Variants in VGLL4 observed in about 807,000 individuals in gnomAD.
The protein encoded by VGLL4 is transcription cofactor vestigial-like protein 4.
A neutral mutation model predicts 21.0 loss-of-function variants in VGLL4; 7 were observed. The observed-to-expected ratio is 0.33, with a 90% CI of 0.19 to 0.63. The LOEUF (loss-of-function observed/expected upper bound fraction) is 0.63. Among genes scored for constraint, VGLL4 ranks in the 20% least tolerant of loss-of-function variants. VGLL4 has a pLI of 0.78. For synonymous variants in VGLL4, 222 were observed against 173.2 expected, an observed-to-expected ratio of 1.28 and a Z score of -2.21; for missense variants, 394 against 425.7, an observed-to-expected ratio of 0.93 and a Z score of 0.66.
chr3:11,709,720 G>A (rs766711542), intron 1 of VGLL4, among the ~76,000 whole-genome samples: 4 of 152,134 alleles, frequency 2.6e-5, no homozygotes, highest in African/African-American at 4.8e-5. Flanking sequence ...AAGAGGTATC[G>A]ATTTTAAAGC....
chr3:11,602,023 CT>C lies in VGLL4; in HGVS notation c.83-2del, dbSNP rs1162072403. 1 of 1,553,538 alleles carries C rather than the reference CT, an allele frequency of 6.4e-7. No individual in the cohort carries two copies. The highest frequency in any genetic ancestry group is 2.4e-5 in the East Asian group (1 of 42,498). ...GGTTCTCCCCTGAGAGCAGCTTCGC[CT>C]ACGCAGAGAGAGATGATGTAGTCAC... On this transcript the variant is annotated splice_acceptor_variant, in intron 1 of 4. Coordinates refer to ENST00000430365, the MANE Select transcript of VGLL4 (RefSeq NM_001128219.3). LOFTEE classifies it high-confidence loss of function.
At chr3:11,569,745 G>A (rs2125158334) in intron 2 of VGLL4, among the ~76,000 whole-genome samples, 1 of 152,328 alleles carries the variant, frequency 6.6e-6, no homozygotes, top group Admixed American at 6.5e-5. Flanking sequence ...GGCTGGGCAT[G>A]GTGACGTGCA....
chr3:11,602,131 A>G (rs578122024), intron 1 of VGLL4, 109 bp from the exon 2 acceptor site: 6 of 1,154,106 alleles, frequency 5.2e-6, no homozygotes, highest in African/African-American at 3.2e-5. Flanking sequence ...CTCCCAGTGG[A>G]AAGTTTTTGG....
intron 2 of VGLL4, among the ~76,000 whole-genome samples, chr3:11,670,685 C>T (rs762068296): frequency 2.0e-5 from 3 of 152,072 alleles, no homozygotes; most frequent in Non-Finnish European, 4.4e-5. Flanking sequence ...GTCTTTGGAA[C>T]CCACTGATTG....
chr3:11,572,038 T>C (rs2073796483), intron 2 of VGLL4, among the ~76,000 whole-genome samples: 1 of 151,762 alleles, frequency 6.6e-6, no homozygotes, highest in Non-Finnish European at 1.5e-5. Context: ...GCCCAGGAGA[T>C]GGAGGTTGCA....
rs2072505118 is a variant in VGLL4 at position 11,557,131 on chromosome 3, G to A, written c.*1425C>T. The A allele has an allele frequency of 6.6e-6, 1 of 152,618 alleles. No homozygotes were observed. Among genetic ancestry groups the A allele is most frequent in the Non-Finnish European group, 1.5e-5 (1 of 68,044 alleles). The allele number at this position is 152,618 out of a possible 1,614,324, so 9.5% of individuals were successfully genotyped here. ...GGTGGGACACAGCACACCCCAGGGG[G>A]AGGGGATAGAAACGCTCATTGACCA... On this transcript the variant is annotated 3_prime_UTR_variant, in exon 5 of 5. Coordinates refer to ENST00000430365, the MANE Select transcript of VGLL4 (RefSeq NM_001128219.3).
chr3:11,643,298 G>A, intron 1 of VGLL4, 139 bp downstream of exon 1: 1 of 1,324,596 alleles, frequency 7.5e-7, no homozygotes, highest in Non-Finnish European at 1.0e-6. Context: ...GTGCCGAACC[G>A]AACCTAAGAA....
At chr3:11,670,017 C>T (rs1197210786) in intron 2 of VGLL4, among the ~76,000 whole-genome samples, 1 of 152,086 alleles carries the variant, frequency 6.6e-6, no homozygotes, top group East Asian at 1.9e-4. Flanking sequence ...AACAGAATCC[C>T]TCTTCCAGCA....
intron 2 of VGLL4, among the ~76,000 whole-genome samples, chr3:11,574,948 T>C (rs1489720698): frequency 2.6e-5 from 4 of 151,994 alleles, no homozygotes; most frequent in Non-Finnish European, 1.5e-5. Context: ...GTCGGCCGAG[T>C]TACCATCCAA....
chr3:11,566,640 C>G (rs2616534), intron 2 of VGLL4, among the ~76,000 whole-genome samples: 1 of 151,970 alleles, frequency 6.6e-6, no homozygotes, highest in Non-Finnish European at 1.5e-5. Flanking sequence ...CGGCCACTCT[C>G]TGCCTCTGTG....
chr3:11,626,684 A>C (rs1165223220), intron 1 of VGLL4, among the ~76,000 whole-genome samples: 3 of 152,174 alleles, frequency 2.0e-5, no homozygotes, highest in Non-Finnish European at 4.4e-5. Context: ...CCATAAAATG[A>C]AGTAAAGAAC....
At chr3:11,680,790 G>A (rs1478751005) in intron 2 of VGLL4, among the ~76,000 whole-genome samples, 4 of 152,228 alleles carry the variant, frequency 2.6e-5, no homozygotes, top group Non-Finnish European at 5.9e-5. Context: ...CCGACTTGCT[G>A]TGAGACCACA....
chr3:11,687,622 A>T (rs759760764), intron 2 of VGLL4, among the ~76,000 whole-genome samples: 2 of 152,018 alleles, frequency 1.3e-5, no homozygotes, highest in Non-Finnish European at 2.9e-5. Context: ...GAGACTTTTG[A>T]GATAATTTCT....
intron 2 of VGLL4, among the ~76,000 whole-genome samples, chr3:11,692,503 G>A (rs1044300049): frequency 2.0e-5 from 3 of 152,156 alleles, no homozygotes; most frequent in South Asian, 2.1e-4. Flanking sequence ...AACTGAAAGC[G>A]CCGACTTTTA....
chr3:11,594,150 T>C (rs760066807), intron 2 of VGLL4, among the ~76,000 whole-genome samples: 13 of 152,202 alleles, frequency 8.5e-5, no homozygotes, highest in Non-Finnish European at 1.2e-4. Flanking sequence ...AAGTGTCATC[T>C]TAAATACATG....
intron 2 of VGLL4, among the ~76,000 whole-genome samples, chr3:11,661,399 G>A (rs1482809882): frequency 6.6e-6 from 1 of 151,906 alleles, no homozygotes; most frequent in Non-Finnish European, 1.5e-5. Context: ...AGATTATGCT[G>A]GAAAGAATTG....
At chr3:11,586,520 T>C (rs996332143) in intron 2 of VGLL4, among the ~76,000 whole-genome samples, 3 of 152,356 alleles carry the variant, frequency 2.0e-5, no homozygotes, top group South Asian at 4.1e-4. Flanking sequence ...AGGCCTCTGA[T>C]GGTACAGACT....
chr3:11,626,503 G>C (rs2075354649), intron 1 of VGLL4: 1 of 447,062 alleles, frequency 2.2e-6, no homozygotes, highest in African/African-American at 2.0e-5. Context: ...CAGAGCTGGA[G>C]ATTTCATTAC....
chr3:11,625,993 A>G (rs1052957580), intron 1 of VGLL4, among the ~76,000 whole-genome samples: 3 of 152,224 alleles, frequency 2.0e-5, no homozygotes, highest in African/African-American at 7.2e-5. Flanking sequence ...CTCTGTGAAT[A>G]TATTAAATAC....
Sources: allele counts gnomAD v4.1 joint callset (sites outside exome capture counted in the v4.1 genomes callset), GRCh38; gene constraint gnomAD v4.1.1; transcripts MANE v1.5; gene names NCBI Gene and HGNC (gene_info 2026-07-23, HGNC 2026-07-21).